MTMR1: variants seen among roughly 807,000 people sequenced by gnomAD.
MTMR1 encodes the protein myotubularin related protein 1.
MTMR1 carries 17 observed loss-of-function variants against 51.6 expected under a neutral mutation model. The observed-to-expected ratio is 0.33, with a 90% CI of 0.23 to 0.49. The LOEUF (loss-of-function observed/expected upper bound fraction) is 0.49. Among genes scored for constraint, MTMR1 ranks in the 20% least tolerant of loss-of-function variants. The pLI is 0.99. For missense variants in MTMR1, 386 were observed against 526.9 expected, an observed-to-expected ratio of 0.73 and a Z score of 2.62; for synonymous variants, 201 against 205.6, an observed-to-expected ratio of 0.98 and a Z score of 0.19.
intron 15 of MTMR1, among the ~76,000 whole-genome samples, chrX:150,759,167 C>G (rs1018981158): frequency 8.9e-6 from 1 of 112,649 alleles, no homozygotes; most frequent in Non-Finnish European, 1.9e-5. Context: ...CCATCAAGCA[C>G]TTCTTTCCAG....
intron 10 of MTMR1, among the ~76,000 whole-genome samples, chrX:150,733,728 T>C (rs1213289069): frequency 9.0e-6 from 1 of 110,891 alleles, no homozygotes; most frequent in Non-Finnish European, 1.9e-5. Flanking sequence ...TCTCATGTCA[T>C]GGGTTGTGTG....
intron 3 of MTMR1, among the ~76,000 whole-genome samples, chrX:150,714,131 G>A (rs965373901): frequency 1.2e-4 from 13 of 112,190 alleles, no homozygotes; most frequent in African/African-American, 3.6e-4. Flanking sequence ...AGCACATTAT[G>A]TGCCTGTTAT....
upstream of MTMR1, chrX:150,693,053 C>T (rs1488851888): frequency 8.9e-6 from 1 of 112,035 alleles, no homozygotes; most frequent in African/African-American, 3.2e-5. Flanking sequence ...ATACCTTTTC[C>T]GGGAAGGACA....
intron 1 of MTMR1, among the ~76,000 whole-genome samples, chrX:150,698,680 G>GCGCACACACA (rs1491104991): frequency 2.9e-4 from 18 of 62,962 alleles, no homozygotes; most frequent in East Asian, 2.8e-3. Context: ...ACACGCGCGC[G>GCGCACACACA]CACACACACA....
intron 15 of MTMR1, among the ~76,000 whole-genome samples, chrX:150,758,563 G>A (rs1292708435): frequency 8.9e-6 from 1 of 111,745 alleles, no homozygotes; most frequent in Non-Finnish European, 1.9e-5. Flanking sequence ...GGAGGCCGAG[G>A]TGGGCAGATC....
chrX:150,693,140 C>G (rs1433576647), upstream of MTMR1: 2 of 112,412 alleles, frequency 1.8e-5, no homozygotes, highest in African/African-American at 6.5e-5. Context: ...GCAGTCAACC[C>G]GGTGTGACTA....
rs1420351625 is a variant in MTMR1, at chrX:150,764,084, G to A, written c.*1355G>A. Reference sequence around the variant, plus strand: ...TGGCTGCAGGAATTCAGCCTTTAGAGGCAGAGGCAGCTGCAGCGGCCCCTG... The same window carrying A: ...TGGCTGCAGGAATTCAGCCTTTAGAAGCAGAGGCAGCTGCAGCGGCCCCTG... On this transcript the variant is annotated 3_prime_UTR_variant, in exon 16 of 16. Transcript: ENST00000445323. The A allele has an allele frequency of 8.9e-6, 1 of 112,843 alleles. No homozygotes were observed. The highest frequency in any genetic ancestry group is 1.9e-5 in the Non-Finnish European group (1 of 53,375). The allele number at this position is 112,843 out of a possible 1,213,427, so 9.3% of individuals were successfully genotyped here. A position where few individuals can be genotyped will look rare whatever the true frequency, so the allele number is the denominator to read the frequency against.
intron 4 of MTMR1, among the ~76,000 whole-genome samples, chrX:150,722,345 G>A (rs1557416602): frequency 4.5e-5 from 5 of 111,792 alleles, no homozygotes; most frequent in African/African-American, 1.6e-4. Context: ...CATAATGGTG[G>A]ATGTGTCAGT....
chrX:150,730,952 T>C (rs1481854878), intron 8 of MTMR1, among the ~76,000 whole-genome samples: 3 of 112,395 alleles, frequency 2.7e-5, no homozygotes, highest in African/African-American at 9.7e-5. Context: ...TCGAAGCATG[T>C]GGTGTGACTA....
At chrX:150,703,976 T>C (rs940645395) in intron 2 of MTMR1, among the ~76,000 whole-genome samples, 33 of 112,175 alleles carry the variant, frequency 2.9e-4, no homozygotes, top group African/African-American at 1.0e-3. Context: ...TAATTATTTC[T>C]TAAAAATGTT....
chrX:150,717,168 G>A (rs1557416416), intron 3 of MTMR1, among the ~76,000 whole-genome samples: 1 of 109,575 alleles, frequency 9.1e-6, no homozygotes, highest in Non-Finnish European at 1.9e-5. Flanking sequence ...GACCATCCTG[G>A]CCAACAATGT....
At chrX:150,730,058 A>T (rs1457142423) in intron 6 of MTMR1, 51 bp from the exon 7 acceptor site, 4 of 826,966 alleles carry the variant, frequency 4.8e-6, no homozygotes, top group Non-Finnish European at 6.9e-6. Flanking sequence ...TATCTGGCTT[A>T]TAGGTGCCTG....
At chrX:150,762,342 C>T (rs1483877094) in intron 15 of MTMR1, among the ~76,000 whole-genome samples, 1 of 111,856 alleles carries the variant, frequency 8.9e-6, no homozygotes, top group Non-Finnish European at 1.9e-5. Flanking sequence ...CCCGGCTCAG[C>T]GGCTCGGCCC....
At chrX:150,719,677 A>T (rs2041682177) in intron 4 of MTMR1, among the ~76,000 whole-genome samples, 1 of 112,251 alleles carries the variant, frequency 8.9e-6, no homozygotes. Flanking sequence ...CAGGCGTAAA[A>T]TGTAAAATGT....
chrX:150,707,527 A>G (rs1451489788), intron 2 of MTMR1, among the ~76,000 whole-genome samples: 1 of 112,667 alleles, frequency 8.9e-6, no homozygotes, highest in African/African-American at 3.2e-5. Flanking sequence ...TTAAAGTCAC[A>G]GTGAGATATC....
Position 150,750,806 on chromosome X carries a change from C to A in MTMR1, c.1643C>A (p.Thr548Asn), listed in dbSNP as rs782236728. 1 of 1,206,447 alleles carries A rather than the reference C, an allele frequency of 8.3e-7. No individual in the cohort carries two copies. Among genetic ancestry groups the A allele is most frequent in the Non-Finnish European group, 1.1e-6 (1 of 891,316 alleles). ...CACCTTTATAGCTGTCTTTTTGGGA[C>A]CTTTTTGTGCAACTGTGAACAGCAG... ...LDHLYSCLFGTFLCNCEQQRF... is the reference protein window; with the variant it reads ...LDHLYSCLFGNFLCNCEQQRF... Residue 548 changes from threonine to asparagine, a missense_variant, in exon 14 of 16, where the codon ACC becomes AAC. By Grantham distance (65) the Thr-to-Asn change is moderately conservative. Transcript: ENST00000445323.
chrX:150,737,928 G>A (rs2042322048), intron 12 of MTMR1, among the ~76,000 whole-genome samples: 1 of 111,259 alleles, frequency 9.0e-6, no homozygotes, highest in Non-Finnish European at 1.9e-5. Flanking sequence ...TTAGCCAGAT[G>A]TGTTAGCGGG....
At chrX:150,710,107 G>A (rs1557416174) in intron 2 of MTMR1, among the ~76,000 whole-genome samples, 1 of 111,815 alleles carries the variant, frequency 8.9e-6, no homozygotes, top group East Asian at 2.8e-4. Flanking sequence ...AACCTGAAGG[G>A]AGTTAAGAGA....
intron 4 of MTMR1, among the ~76,000 whole-genome samples, chrX:150,721,455 A>G (rs1557416574): frequency 1.8e-5 from 2 of 111,936 alleles, no homozygotes; most frequent in African/African-American, 6.5e-5. Flanking sequence ...TAATTTATTT[A>G]GTAGTTATAT....
Sources: gnomAD v4.1 joint callset for allele counts (sites outside exome capture counted in the v4.1 genomes callset) on GRCh38, gnomAD v4.1.1 for gene constraint, MANE v1.5 for transcripts, NCBI Gene and HGNC (gene_info 2026-07-23, HGNC 2026-07-21) for gene names.